Variants in ARPP19 observed in about 807,000 individuals in gnomAD.
ARPP19 encodes the protein cAMP-regulated phosphoprotein 19.
ARPP19 carries 8 observed loss-of-function variants against 12.0 expected under a neutral mutation model. The observed-to-expected ratio is 0.67, with a 90% CI of 0.39 to 1.21. The LOEUF is 1.21. Among genes scored for constraint, ARPP19 ranks in the 50% most tolerant of loss-of-function variants. ARPP19 has a pLI of 0.01. For synonymous variants in ARPP19, 47 were observed against 50.4 expected (o/e 0.93, Z 0.29); for missense variants, 102 against 136.3 (o/e 0.75, Z 1.25).
intron 2 of ARPP19, among the ~76,000 whole-genome samples, chr15:52,555,466 T>A (rs1370478863): frequency 6.6e-6 from 1 of 152,062 alleles, no homozygotes; most frequent in Non-Finnish European, 1.5e-5. Flanking sequence ...CCCTATATTA[T>A]GATCTTTATG....
At chr15:52,555,532 T>A (rs1202405274) in intron 2 of ARPP19, among the ~76,000 whole-genome samples, 1 of 152,046 alleles carries the variant, frequency 6.6e-6, no homozygotes, top group Non-Finnish European at 1.5e-5. Context: ...TATTTAATCA[T>A]TTCTCTGCTG....
Position 52,550,571 on chromosome 15 carries a change from T to G in ARPP19, c.*1363A>C, listed in dbSNP as rs1425029033. On this transcript the variant is annotated 3_prime_UTR_variant, in exon 3 of 3. Transcript: ENST00000249822. ...GAGTAAGGTTGCAGTGAGCTGTGAT[T>G]GCACTACTGCACTAGAGCTCAGGTG... The G allele has an allele frequency of 2.0e-5, 3 of 152,160 alleles. No homozygotes were observed. 9.4% of individuals were successfully genotyped at this position (152,160 alleles called of 1,614,324 possible).
Position 52,547,172 on chromosome 15 carries a change from C to G in ARPP19, c.*4762G>C, listed in dbSNP as rs746615429. ...AGTAATAGCTGAAATGTAAAGAGAT[C>G]AACTTCAGAAAAAATACACTGAAAA... On this transcript the variant is annotated 3_prime_UTR_variant, in exon 3 of 3. Transcript: ENST00000249822. 16 of 148,572 alleles carry G rather than the reference C, an allele frequency of 1.1e-4. No individual in the cohort carries two copies. Among genetic ancestry groups the G allele is most frequent in the Non-Finnish European group, 1.8e-4 (12 of 67,408 alleles). 9.2% of individuals were successfully genotyped at this position (148,572 alleles called of 1,614,324 possible). A position where few individuals can be genotyped will look rare whatever the true frequency, so the allele number is the denominator to read the frequency against.
Position 52,547,399 on chromosome 15 carries a change from T to C in ARPP19, c.*4535A>G, listed in dbSNP as rs1425145619. On this transcript the variant is annotated 3_prime_UTR_variant, in exon 3 of 3. Coordinates refer to ENST00000249822, the MANE Select transcript of ARPP19 (RefSeq NM_006628.6). ...AACAAGGCATTTACTCTTGGCCCTTTCAGTACAGGCGAAGTGTTCTATTGC... is the reference window on the plus strand; with the variant it reads ...AACAAGGCATTTACTCTTGGCCCTTCCAGTACAGGCGAAGTGTTCTATTGC... 1 of 152,240 alleles carries C rather than the reference T, an allele frequency of 6.6e-6. No individual in the cohort carries two copies. Among genetic ancestry groups the C allele is most frequent in the East Asian group, 1.9e-4 (1 of 5,202 alleles). 9.4% of individuals were successfully genotyped at this position (152,240 alleles called of 1,614,324 possible). A position where few individuals can be genotyped will look rare whatever the true frequency, so the allele number is the denominator to read the frequency against.
intron 1 of ARPP19, among the ~76,000 whole-genome samples, chr15:52,565,086 G>C (rs889995760): frequency 2.7e-5 from 4 of 150,724 alleles, no homozygotes; most frequent in Non-Finnish European, 4.4e-5. Flanking sequence ...TCACCCAGTG[G>C]CGCCATCAAA....
intron 2 of ARPP19, among the ~76,000 whole-genome samples, chr15:52,552,624 G>A (rs888692195): frequency 6.7e-6 from 1 of 148,512 alleles, no homozygotes; most frequent in Non-Finnish European, 1.5e-5. Context: ...CTGCCTTCAG[G>A]CTTTCTTGAA....
chr15:52,568,741 T>G (rs2078110723), intron 1 of ARPP19, 107 bp downstream of exon 1: 1 of 715,450 alleles, frequency 1.4e-6, no homozygotes, highest in Non-Finnish European at 2.2e-6. Flanking sequence ...CTCGGCCTCA[T>G]GCGCCTCGGC....
chr15:52,568,945 CGAGGCCACCCGG>C lies in ARPP19; in HGVS notation c.-65_-54del. ...GGAAAAGATGCAATTAGCGGGTGGCCGAGGCCACCCGGCCGCCGCCCGTCCCAGCTCTCCCAG... is the reference window on the plus strand; with the variant it reads ...GGAAAAGATGCAATTAGCGGGTGGCCCCGCCGCCCGTCCCAGCTCTCCCAG... On this transcript the variant is annotated 5_prime_UTR_variant, in exon 1 of 3. Coordinates refer to ENST00000249822, the MANE Select transcript of ARPP19 (RefSeq NM_006628.6). 1 of 1,273,018 alleles carries C rather than the reference CGAGGCCACCCGG, an allele frequency of 7.9e-7. No individual in the cohort carries two copies. The highest frequency in any genetic ancestry group is 2.2e-5 in the Admixed American group (1 of 45,054). 78.9% of individuals were successfully genotyped at this position (1,273,018 alleles called of 1,614,324 possible). A position where few individuals can be genotyped will look rare whatever the true frequency, so the allele number is the denominator to read the frequency against.
intron 1 of ARPP19, among the ~76,000 whole-genome samples, chr15:52,559,391 G>A (rs539344203): frequency 1.3e-5 from 2 of 152,152 alleles, no homozygotes; most frequent in African/African-American, 2.4e-5. Flanking sequence ...TATCATTGCA[G>A]TGTTTAAAAT....
intron 1 of ARPP19, among the ~76,000 whole-genome samples, chr15:52,562,753 A>G (rs1187560873): frequency 6.6e-6 from 1 of 152,180 alleles, no homozygotes; most frequent in Non-Finnish European, 1.5e-5. Flanking sequence ...CAATTTAAGA[A>G]GTTAGACAAA....
chr15:52,560,244 G>A (rs565958221), intron 1 of ARPP19, among the ~76,000 whole-genome samples: 63 of 151,574 alleles, frequency 4.2e-4, no homozygotes, highest in African/African-American at 8.0e-4. Context: ...TCATCTGCCC[G>A]CCTCGGCCTC....
chr15:52,567,147 C>T (rs1453667120), intron 1 of ARPP19, among the ~76,000 whole-genome samples: 1 of 152,168 alleles, frequency 6.6e-6, no homozygotes, highest in Non-Finnish European at 1.5e-5. Flanking sequence ...CCATCCACGC[C>T]ACAGGCACTT....
rs1405565720 is a variant in ARPP19 at position 52,547,078 on chromosome 15, T to C, written c.*4856A>G. ...TGCAAACATTTAATCCTACCTTAAGTACAAAGCCTTTACAAATGCAAAAAA... is the reference window on the plus strand; with the variant it reads ...TGCAAACATTTAATCCTACCTTAAGCACAAAGCCTTTACAAATGCAAAAAA... On this transcript the variant is annotated 3_prime_UTR_variant, in exon 3 of 3. Transcript: ENST00000249822. 2 of 125,206 alleles carry C rather than the reference T, an allele frequency of 1.6e-5. No homozygotes were observed. Among genetic ancestry groups the C allele is most frequent in the Non-Finnish European group, 1.6e-5 (1 of 61,162 alleles). 7.8% of individuals were successfully genotyped at this position (125,206 alleles called of 1,614,324 possible). A position where few individuals can be genotyped will look rare whatever the true frequency, so the allele number is the denominator to read the frequency against.
At chr15:52,568,807 G>C in intron 1 of ARPP19, 41 bp downstream of exon 1, 1 of 1,489,840 alleles carries the variant, frequency 6.7e-7, no homozygotes, top group Non-Finnish European at 9.0e-7. Context: ...CGCCAGACCC[G>C]GCCTTGGGCA....
chr15:52,563,080 T>C (rs1490934310), intron 1 of ARPP19, among the ~76,000 whole-genome samples: 1 of 152,068 alleles, frequency 6.6e-6, no homozygotes, highest in Non-Finnish European at 1.5e-5. Context: ...TTCACCATCT[T>C]GCCCACGCTG....
intron 2 of ARPP19, among the ~76,000 whole-genome samples, chr15:52,553,835 G>A (rs998319576): frequency 2.0e-5 from 3 of 152,214 alleles, no homozygotes; most frequent in Admixed American, 6.5e-5. Flanking sequence ...AGTCTCATTG[G>A]CTGCTTTCCT....
chr15:52,552,877 A>C (rs940280209), intron 2 of ARPP19, among the ~76,000 whole-genome samples: 1 of 152,018 alleles, frequency 6.6e-6, no homozygotes, highest in African/African-American at 2.4e-5. Context: ...AGGAGTTTGA[A>C]ACCAGAACGG....
At position 52,551,857 on chromosome 15, in the gene ARPP19, G is replaced by T; in HGVS notation, c.*77C>A. The T allele has an allele frequency of 9.0e-7, 1 of 1,111,934 alleles. No individual in the cohort carries two copies. The highest frequency in any genetic ancestry group is 1.3e-6 in the Non-Finnish European group (1 of 754,238). 68.9% of individuals were successfully genotyped at this position (1,111,934 alleles called of 1,614,324 possible). On this transcript the variant is annotated 3_prime_UTR_variant, in exon 3 of 3. Transcript: ENST00000249822. ...AGTCTCAAATGACTAGTGAATGAAAGGAAATAAAAAGTAGATAAGTAACAT... is the reference window on the plus strand; with the variant it reads ...AGTCTCAAATGACTAGTGAATGAAATGAAATAAAAAGTAGATAAGTAACAT...
Position 52,548,904 on chromosome 15 carries a change from T to C in ARPP19, c.*3030A>G, listed in dbSNP as rs1349184654. On this transcript the variant is annotated 3_prime_UTR_variant, in exon 3 of 3. Transcript: ENST00000249822. ...TTCCAACTGTTGAAGTAGTAACAAG[T>C]AAAGGCTTCACCAGGCTTTCCTTGA... 1 of 152,652 alleles carries C rather than the reference T, an allele frequency of 6.6e-6. No homozygotes were observed. The highest frequency in any genetic ancestry group is 1.5e-5 in the Non-Finnish European group (1 of 68,036). 9.5% of individuals were successfully genotyped at this position (152,652 alleles called of 1,614,324 possible).
Sources: gnomAD v4.1 joint callset for allele counts (sites outside exome capture counted in the v4.1 genomes callset) on GRCh38, gnomAD v4.1.1 for gene constraint, MANE v1.5 for transcripts, NCBI Gene and HGNC (gene_info 2026-07-23, HGNC 2026-07-21) for gene names.